Variants in HERC1 observed in about 807,000 individuals in gnomAD.
HERC1 encodes HECT and RLD domain containing E3 ubiquitin protein ligase family member 1.
Under a neutral mutation model 554.3 loss-of-function variants are expected in HERC1, and 160 were observed. The ratio of observed to expected loss-of-function variants is 0.29; its 90% CI spans 0.25 to 0.33. The LOEUF is 0.33. Among genes scored for constraint, HERC1 ranks in the 10% least tolerant of loss-of-function variants. HERC1 has a pLI of 1.00. For synonymous variants in HERC1, 2,175 were observed against 2,131.7 expected, an observed-to-expected ratio of 1.02 and a Z score of -0.56; for missense variants, 4,919 against 5,918.5, an observed-to-expected ratio of 0.83 and a Z score of 5.54.
chr15:63,635,649 T>G (rs944704181), intron 65 of HERC1, among the ~76,000 whole-genome samples: 2 of 152,202 alleles, frequency 1.3e-5, no homozygotes, highest in Non-Finnish European at 2.9e-5. Flanking sequence ...ATCTGTGTAT[T>G]AAGAACTGTG....
rs375595382 is a variant in HERC1, at chr15:63,749,756, A to G, written c.1938T>C (p.Cys646=). 373 of 1,579,026 alleles carry G rather than the reference A, an allele frequency of 2.4e-4. No homozygotes were observed. Among genetic ancestry groups the G allele is most frequent in the Non-Finnish European group, 3.0e-4 (346 of 1,161,716 alleles). The change falls in exon 9 of 78, where the codon TGT becomes TGC. Residue 646 remains cysteine, a synonymous_variant. Coordinates refer to ENST00000443617, the MANE Select transcript of HERC1 (RefSeq NM_003922.4). The surrounding 1 kb of genome is among the most constrained non-coding windows in gnomAD (Gnocchi z 4.1). ...TCAAAGCAGTAGCTTCTGAAGAACC[A>G]CAACCTAGACAAGCTCCACAGCCCC... The part of the protein sequence containing the change: ...YAWGCGACLG[C]GSSEATALRP...
chr15:63,669,506 T>C (rs769978620), intron 40 of HERC1, 32 bp downstream of exon 40: 4 of 1,600,464 alleles, frequency 2.5e-6, no homozygotes, highest in East Asian at 2.2e-5. Flanking sequence ...AATGCCAACT[T>C]TGGATATCAT....
At chr15:63,752,574 G>A (rs1419066397) in intron 8 of HERC1, 1 of 157,536 alleles carries the variant, frequency 6.3e-6, no homozygotes, top group East Asian at 1.8e-4. Context: ...ATACCTAAGT[G>A]TTCTCTTTAC....
At chr15:63,820,316 G>A (rs1218100222) in intron 1 of HERC1, among the ~76,000 whole-genome samples, 2 of 152,022 alleles carry the variant, frequency 1.3e-5, no homozygotes, top group Admixed American at 1.3e-4. Context: ...TTTTGAGAAG[G>A]CAGATACTAT....
rs991822181 is a variant in HERC1 at position 63,686,591 on chromosome 15, T to C, written c.6049-56A>G. Reference sequence around the variant, plus strand: ...GGAATAATCCATGTCTCAGATAAGATATATTCTGAGGCTCCTTGGTTTTAT... The same window carrying C: ...GGAATAATCCATGTCTCAGATAAGACATATTCTGAGGCTCCTTGGTTTTAT... On this transcript the variant is annotated intron_variant, in intron 33 of 77. Transcript: ENST00000443617. 12 of 1,478,566 alleles carry C rather than the reference T, an allele frequency of 8.1e-6. No homozygotes were observed. In the African/African-American group the frequency reaches 1.4e-4, roughly 17 times the overall value. 91.6% of individuals were successfully genotyped at this position (1,478,566 alleles called of 1,614,324 possible).
chr15:63,775,259 T>C lies in HERC1; in HGVS notation c.365A>G (p.His122Arg). The change falls in exon 2 of 78, where the codon CAT becomes CGT. Residue 122 changes from histidine (H) to arginine (R), a missense_variant. Transcript: ENST00000443617. The surrounding 1 kb of genome is among the most constrained non-coding windows in gnomAD (Gnocchi z 4.0). ...CTGCTGCTTCACCTTGCCTTTGTCA[T>C]GGTATTTATTAGAAAGTGCATAAAA... ...RVFYALSNKY[H>R]DKGKVKQQQH... The C allele has an allele frequency of 6.2e-7, 1 of 1,614,034 alleles. No individual in the cohort carries two copies. The highest frequency in any genetic ancestry group is 8.5e-7 in the Non-Finnish European group (1 of 1,179,878).
At chr15:63,801,197 T>C (rs1391354282) in intron 1 of HERC1, among the ~76,000 whole-genome samples, 2 of 152,158 alleles carry the variant, frequency 1.3e-5, no homozygotes, top group African/African-American at 2.4e-5. Flanking sequence ...AAACCAGTCA[T>C]TGTAAATAGG....
chr15:63,769,968 T>TTG (rs2075900070), intron 2 of HERC1, among the ~76,000 whole-genome samples: 1 of 152,216 alleles, frequency 6.6e-6, no homozygotes, highest in African/African-American at 2.4e-5. Flanking sequence ...GCTTAAGATA[T>TTG]TCAAAGACAT....
At chr15:63,786,041 A>C (rs566101054) in intron 1 of HERC1, among the ~76,000 whole-genome samples, 1 of 152,164 alleles carries the variant, frequency 6.6e-6, no homozygotes, top group East Asian at 1.9e-4. Context: ...AAATGAAAAC[A>C]ATCAGCTAAC....
At chr15:63,821,022 TGATA>T (rs1472367527) in intron 1 of HERC1, among the ~76,000 whole-genome samples, 1 of 152,234 alleles carries the variant, frequency 6.6e-6, no homozygotes, top group African/African-American at 2.4e-5. Flanking sequence ...TATATGCTCT[TGATA>T]ATGTTATAAA....
intron 76 of HERC1, among the ~76,000 whole-genome samples, chr15:63,615,012 G>A (rs1014683129): frequency 6.6e-6 from 1 of 152,206 alleles, no homozygotes; most frequent in Non-Finnish European, 1.5e-5. Context: ...CCTCTTAGCT[G>A]AGGCTTAAAG....
At chr15:63,780,850 T>C (rs1055696385) in intron 1 of HERC1, among the ~76,000 whole-genome samples, 2 of 152,188 alleles carry the variant, frequency 1.3e-5, no homozygotes, top group Non-Finnish European at 2.9e-5. Flanking sequence ...TAATAACCTA[T>C]ATGCTAACTG....
In HERC1 at chr15:63,692,529, T is replaced by C. The variant is rs764596231; in HGVS notation, c.5712A>G (p.Leu1904=). The C allele has an allele frequency of 1.9e-6, 3 of 1,612,010 alleles. No individual in the cohort carries two copies. The highest frequency in any genetic ancestry group is 2.7e-5 in the African/African-American group (2 of 74,816). Residue 1904 remains leucine, a synonymous_variant, in exon 31 of 78, where the codon CTA becomes CTG. Transcript: ENST00000443617. The surrounding 1 kb of genome is among the most constrained non-coding windows in gnomAD (Gnocchi z 4.7). ...TGCGAAGAAAAACTAAAAAATCCCC[T>C]AGATGGAGTTCGGCTGCATGTTGTT... ...LRKQHAAELH[L]GDFLVFLRRV...
intron 1 of HERC1, among the ~76,000 whole-genome samples, chr15:63,832,659 C>T (rs1367814378): frequency 1.3e-5 from 2 of 152,124 alleles, no homozygotes; most frequent in Non-Finnish European, 2.9e-5. Flanking sequence ...AACCACTTAG[C>T]TAACAATCAT....
At position 63,658,684 on chromosome 15, in the gene HERC1, C is replaced by T. The variant is rs770885015; in HGVS notation, c.9459G>A (p.Gly3153=). The part of the protein sequence containing the change: ...CHGSVEKSSS[G]RITLGEQAAA... ...CTGCCTGCTCTCCTAACGTTATTCT[C>T]CCAGAGGAGCTCTTTTCTACGGAGC... The change falls in exon 48 of 78, where the codon GGG becomes GGA. Residue 3153 remains glycine, a synonymous_variant. Coordinates refer to ENST00000443617, the MANE Select transcript of HERC1 (RefSeq NM_003922.4). The T allele has an allele frequency of 1.9e-6, 3 of 1,613,420 alleles. No homozygotes were observed. The South Asian group carries it at 3.3e-5, about 18-fold the overall frequency.
chr15:63,666,754 AATTT>A (rs2070664258), intron 40 of HERC1, among the ~76,000 whole-genome samples: 1 of 152,178 alleles, frequency 6.6e-6, no homozygotes, highest in South Asian at 2.1e-4. Flanking sequence ...TACTCAATAA[AATTT>A]ATTTGTAATC....
At chr15:63,723,098 A>AAG in intron 19 of HERC1, 84 bp downstream of exon 19, 1 of 832,810 alleles carries the variant, frequency 1.2e-6, no homozygotes. Context: ...GATCCCTATA[A>AAG]TTTTCACTTA....
At chr15:63,671,847 C>G (rs1769368258) in intron 39 of HERC1, among the ~76,000 whole-genome samples, 1 of 152,186 alleles carries the variant, frequency 6.6e-6, no homozygotes, top group Non-Finnish European at 1.5e-5. Context: ...TTCTGCTTCC[C>G]TTATTTCACT....
intron 2 of HERC1, among the ~76,000 whole-genome samples, chr15:63,770,121 C>T (rs895970324): frequency 9.9e-5 from 15 of 152,144 alleles, no homozygotes; most frequent in African/African-American, 2.9e-4. Context: ...GCCTCAATCT[C>T]ATCTCATTCC....
Sources: allele counts gnomAD v4.1 joint callset (sites outside exome capture counted in the v4.1 genomes callset), GRCh38; gene constraint gnomAD v4.1.1; non-coding constraint Gnocchi (gnomAD v3.1); transcripts MANE v1.5; gene names NCBI Gene and HGNC (gene_info 2026-07-23, HGNC 2026-07-21).